SEMA5A: variants seen among roughly 807,000 people sequenced by gnomAD.
SEMA5A encodes the protein semaphorin 5A.
SEMA5A carries 55 observed loss-of-function variants against 135.5 expected under a neutral mutation model. The ratio of observed to expected loss-of-function variants is 0.41; its 90% CI spans 0.33 to 0.51. The LOEUF (loss-of-function observed/expected upper bound fraction) is 0.51, where lower values mean the gene tolerates loss of function less well. Among genes scored for constraint, SEMA5A ranks in the 20% least tolerant of loss-of-function variants. The pLI is 0.37. For missense variants in SEMA5A, 1,290 were observed against 1,419.9 expected, an observed-to-expected ratio of 0.91 and a Z score of 1.47; for synonymous variants, 580 against 546.5, an observed-to-expected ratio of 1.06 and a Z score of -0.85.
chr5:9,046,286 A>T (rs1736249098), intron 21 of SEMA5A, among the ~76,000 whole-genome samples: 1 of 152,204 alleles, frequency 6.6e-6, no homozygotes, highest in South Asian at 2.1e-4. Context: ...TGTGCTGAGC[A>T]TCACTGTGAT....
intron 1 of SEMA5A, chr5:9,498,578 G>C (rs1262634522): frequency 1.3e-5 from 2 of 152,154 alleles, no homozygotes; most frequent in Non-Finnish European, 1.5e-5. Flanking sequence ...TCATTATGAA[G>C]ATGCGGGGTC....
intron 1 of SEMA5A, chr5:9,522,705 C>T (rs1237053410): frequency 6.6e-6 from 1 of 152,172 alleles, no homozygotes; most frequent in Non-Finnish European, 1.5e-5. Flanking sequence ...ATTTGAGGCC[C>T]ACCATAACTA....
intron 5 of SEMA5A, among the ~76,000 whole-genome samples, chr5:9,262,819 C>A (rs1322101802): frequency 1.7e-5 from 2 of 118,234 alleles, no homozygotes; most frequent in Non-Finnish European, 3.4e-5. Flanking sequence ...GTGGGTGCAG[C>A]GCACCAGCAT....
chr5:9,140,597 T>C (rs148486193), intron 12 of SEMA5A, among the ~76,000 whole-genome samples: 4 of 152,268 alleles, frequency 2.6e-5, no homozygotes, highest in South Asian at 2.1e-4. Flanking sequence ...AATCTGAGAG[T>C]GTCTTCATCT....
chr5:9,248,193 G>T (rs945996953), intron 5 of SEMA5A, among the ~76,000 whole-genome samples: 5 of 152,188 alleles, frequency 3.3e-5, no homozygotes, highest in African/African-American at 1.2e-4. Context: ...GTGAGAATAA[G>T]AGTTGGTGAA....
intron 16 of SEMA5A, among the ~76,000 whole-genome samples, chr5:9,105,556 G>A (rs1237748169): frequency 1.3e-5 from 2 of 152,130 alleles, no homozygotes; most frequent in Non-Finnish European, 2.9e-5. Context: ...AGAAGCAGCT[G>A]AAGCCCATGG....
At chr5:9,356,509 CAGTT>C (rs559772453) in intron 3 of SEMA5A, among the ~76,000 whole-genome samples, 2 of 152,102 alleles carry the variant, frequency 1.3e-5, no homozygotes, top group East Asian at 1.9e-4. Context: ...AGGCTGCACA[CAGTT>C]AGAAGAAAGT....
At chr5:9,183,489 C>T (rs935671187) in intron 11 of SEMA5A, among the ~76,000 whole-genome samples, 3 of 152,198 alleles carry the variant, frequency 2.0e-5, no homozygotes, top group African/African-American at 7.2e-5. Context: ...GCCTGACCAC[C>T]AGCTGCTCAG....
At chr5:9,151,329 A>G (rs909983601) in intron 12 of SEMA5A, among the ~76,000 whole-genome samples, 3 of 152,200 alleles carry the variant, frequency 2.0e-5, no homozygotes, top group Non-Finnish European at 4.4e-5. Context: ...TTCCCTTTTT[A>G]AATACTTCAA....
At chr5:9,314,273 G>A (rs1752293986) in intron 5 of SEMA5A, among the ~76,000 whole-genome samples, 1 of 151,732 alleles carries the variant, frequency 6.6e-6, no homozygotes, top group Non-Finnish European at 1.5e-5. Context: ...GTTTTCCAAT[G>A]GGGCGCACCA....
At chr5:9,088,932 T>C (rs2150120232) in intron 16 of SEMA5A, among the ~76,000 whole-genome samples, 1 of 152,228 alleles carries the variant, frequency 6.6e-6, no homozygotes, top group Non-Finnish European at 1.5e-5. Flanking sequence ...GTCTGATAGC[T>C]CACAAATGCT....
chr5:9,304,465 TA>T (rs1454931915), intron 5 of SEMA5A, among the ~76,000 whole-genome samples: 3 of 152,002 alleles, frequency 2.0e-5, no homozygotes, highest in African/African-American at 4.8e-5. Flanking sequence ...ATCTTTATAT[TA>T]TTTTTAAAGT....
chr5:9,327,989 C>A (rs1752953273), intron 4 of SEMA5A, among the ~76,000 whole-genome samples: 1 of 152,124 alleles, frequency 6.6e-6, no homozygotes. Flanking sequence ...TTTAAATTAT[C>A]TCCATATACA....
At chr5:9,534,255 G>A (rs749943038) in intron 1 of SEMA5A, among the ~76,000 whole-genome samples, 3 of 152,118 alleles carry the variant, frequency 2.0e-5, no homozygotes, top group African/African-American at 4.8e-5. Context: ...TAATGATGAC[G>A]CTGCCACACC....
chr5:9,181,960 C>A (rs1226612028), intron 11 of SEMA5A, among the ~76,000 whole-genome samples: 1 of 151,924 alleles, frequency 6.6e-6, no homozygotes. Flanking sequence ...TCCTCCTCAA[C>A]TCACCCCAAT....
At chr5:9,263,796 AAAG>A (rs1749531286) in intron 5 of SEMA5A, among the ~76,000 whole-genome samples, 1 of 152,216 alleles carries the variant, frequency 6.6e-6, no homozygotes, top group Non-Finnish European at 1.5e-5. Context: ...GAGCTACTCT[AAAG>A]AAGATGTTCT....
chr5:9,154,613 A>G lies in SEMA5A; in HGVS notation c.1356T>C (p.Pro452=), dbSNP rs1481439250. 1.2e-6 allele frequency: 2 copies of G among 1,613,976 alleles called. No individual in the cohort carries two copies. The highest frequency in any genetic ancestry group is 3.3e-5 in the Admixed American group (2 of 60,020). The change falls in exon 12 of 23, where the codon CCT becomes CCC. Residue 452 remains proline, a synonymous_variant. Transcript: ENST00000382496. ...TCCTGATGGGCTCCCTCCGCCTCTCAGGGAAGAGCTCAATCTCTTCCAGCA... is the reference window on the plus strand; with the variant it reads ...TCCTGATGGGCTCCCTCCGCCTCTCGGGGAAGAGCTCAATCTCTTCCAGCA... ...SCLLEEIELF[P]ERRREPIRSL... is the part of the protein sequence containing the mutation.
chr5:9,273,161 A>G (rs1365039353), intron 5 of SEMA5A, among the ~76,000 whole-genome samples: 1 of 152,154 alleles, frequency 6.6e-6, no homozygotes, highest in East Asian at 1.9e-4. Context: ...GATGGAGCTG[A>G]AAAACACAGC....
chr5:9,197,738 G>GTGTGTT (rs1231810241), intron 9 of SEMA5A, among the ~76,000 whole-genome samples: 2,135 of 90,042 alleles, frequency 0.024, 82 homozygotes, highest in African/African-American at 0.076. Context: ...TTGTGTGTGT[G>GTGTGTT]TGTGTGTGTG....
Sources: allele counts gnomAD v4.1 joint callset (sites outside exome capture counted in the v4.1 genomes callset), GRCh38; gene constraint gnomAD v4.1.1; transcripts MANE v1.5; gene names NCBI Gene and HGNC (gene_info 2026-07-23, HGNC 2026-07-21).